Variants in YIPF5 observed in about 807,000 individuals in gnomAD.
YIPF5 encodes the protein Yip1 domain family member 5, also known as protein YIPF5.
In YIPF5, 8 loss-of-function variants were observed where a neutral mutation model predicts 30.4. The ratio of observed to expected loss-of-function variants is 0.26; its 90% CI spans 0.15 to 0.47. YIPF5 has a LOEUF of 0.47. YIPF5 is among the 20% of genes least tolerant of loss of function. The pLI is 0.99. For missense variants in YIPF5, 282 were observed against 301.8 expected, an observed-to-expected ratio of 0.93 and a Z score of 0.49; for synonymous variants, 104 against 107.9, an observed-to-expected ratio of 0.96 and a Z score of 0.23.
chr5:144,158,368 A>C lies in YIPF5; in HGVS notation c.*2029T>G, dbSNP rs1191839090. On this transcript the variant is annotated 3_prime_UTR_variant, in exon 6 of 6. Coordinates refer to ENST00000274496, the MANE Select transcript of YIPF5 (RefSeq NM_030799.9). ...CCTTATTATTTTGGAGCAAAATAAA[A>C]AATAACCACCACAAAAAAAATCTCT... 2 of 1,152,804 alleles carry C rather than the reference A, an allele frequency of 1.7e-6. No individual in the cohort carries two copies. Among genetic ancestry groups the C allele is most frequent in the African/African-American group, 1.6e-5 (1 of 61,216 alleles). The allele number at this position is 1,152,804 out of a possible 1,614,324, so 71.4% of individuals were successfully genotyped here. A position where few individuals can be genotyped will look rare whatever the true frequency, so the allele number is the denominator to read the frequency against.
At position 144,158,939 on chromosome 5, in the gene YIPF5, T is replaced by G. The variant is rs7448390; in HGVS notation, c.*1458A>C. ...TAAAAAAAAAAAAAAGGCAGTATTTTCCTCCCTGTACCATATCTTTCTCGT... is the reference window on the plus strand; with the variant it reads ...TAAAAAAAAAAAAAAGGCAGTATTTGCCTCCCTGTACCATATCTTTCTCGT... On this transcript the variant is annotated 3_prime_UTR_variant, in exon 6 of 6. Coordinates refer to ENST00000274496, the MANE Select transcript of YIPF5 (RefSeq NM_030799.9). 2 of 981,588 alleles carry G rather than the reference T, an allele frequency of 2.0e-6. No individual in the cohort carries two copies. Among genetic ancestry groups the G allele is most frequent in the Admixed American group, 1.2e-4 (2 of 16,176 alleles). The allele number at this position is 981,588 out of a possible 1,614,324, so 60.8% of individuals were successfully genotyped here. A position where few individuals can be genotyped will look rare whatever the true frequency, so the allele number is the denominator to read the frequency against.
chr5:144,167,088 CTG>C (rs1332949559), intron 2 of YIPF5, among the ~76,000 whole-genome samples: 3 of 152,196 alleles, frequency 2.0e-5, no homozygotes, highest in African/African-American at 7.2e-5. Context: ...CAAGGACCCT[CTG>C]TAGTCTACAG....
At position 144,160,241 on chromosome 5, in the gene YIPF5, A is replaced by G. The variant is rs1277415136; in HGVS notation, c.*156T>C. On this transcript the variant is annotated 3_prime_UTR_variant, in exon 6 of 6. Transcript: ENST00000274496. ...CAATATAGTATGCAAAAGTTCTATA[A>G]AAATGAACAAGAGATACACGTTTAC... The G allele has an allele frequency of 2.8e-6, 4 of 1,453,978 alleles. No individual in the cohort carries two copies. The highest frequency in any genetic ancestry group is 2.8e-5 in the African/African-American group (2 of 70,804). The allele number at this position is 1,453,978 out of a possible 1,614,324, so 90.1% of individuals were successfully genotyped here.
At chr5:144,165,704 T>G in intron 2 of YIPF5, 100 bp from the exon 3 acceptor site, 1 of 1,261,010 alleles carries the variant, frequency 7.9e-7, no homozygotes. Context: ...TAAAGAACCT[T>G]AGTTGTGAAA....
rs557600028 is a variant in YIPF5 at position 144,166,835 on chromosome 5, A to G, written c.111-1231T>C. ...AAAGATAATTCTTACTGCTTCCTCA[A>G]GAGAATCCTTAAATGAAACTGACTG... On this transcript the variant is annotated intron_variant, in intron 2 of 5. Transcript: ENST00000274496. 2.7e-4 allele frequency among the ~76,000 whole-genome samples: 41 copies of G among 152,258 alleles called. No homozygotes were observed. The South Asian group carries it at 8.1e-3, about 30-fold the overall frequency.
At position 144,159,920 on chromosome 5, in the gene YIPF5, G is replaced by A; in HGVS notation, c.*477C>T. On this transcript the variant is annotated 3_prime_UTR_variant, in exon 6 of 6. Coordinates refer to ENST00000274496, the MANE Select transcript of YIPF5 (RefSeq NM_030799.9). ...AGTCGGGGTTTCACCGTGTTAACCAGGATGGTCTCGATCTCCTGCCCTTGT... is the reference window on the plus strand; with the variant it reads ...AGTCGGGGTTTCACCGTGTTAACCAAGATGGTCTCGATCTCCTGCCCTTGT... 2.6e-6 allele frequency: 2 copies of A among 782,826 alleles called. No individual in the cohort carries two copies. Among genetic ancestry groups the A allele is most frequent in the Non-Finnish European group, 3.1e-6 (2 of 645,326 alleles). The allele number at this position is 782,826 out of a possible 1,614,324, so 48.5% of individuals were successfully genotyped here.
Position 144,158,445 on chromosome 5 carries a change from GA to G in YIPF5, c.*1951del. The G allele has an allele frequency of 7.9e-7, 1 of 1,273,226 alleles. No individual in the cohort carries two copies. Among genetic ancestry groups the G allele is most frequent in the Non-Finnish European group, 1.0e-6 (1 of 983,064 alleles). The allele number at this position is 1,273,226 out of a possible 1,614,324, so 78.9% of individuals were successfully genotyped here. On this transcript the variant is annotated 3_prime_UTR_variant, in exon 6 of 6. Transcript: ENST00000274496. ...TGAGGATAGGGTAAACAACAAAAAA[GA>G]AAATAATTTGATCCATATGTGATAT...
chr5:144,160,964 T>C (rs1475784349), intron 5 of YIPF5, among the ~76,000 whole-genome samples: 2 of 152,168 alleles, frequency 1.3e-5, no homozygotes, highest in East Asian at 3.8e-4. Context: ...CATTGTCAAA[T>C]GTCCCCTTGG....
intron 2 of YIPF5, among the ~76,000 whole-genome samples, chr5:144,166,364 T>C (rs1283728958): frequency 1.3e-5 from 2 of 152,240 alleles, no homozygotes; most frequent in Non-Finnish European, 2.9e-5. Context: ...AAGAGGATAC[T>C]GAAGCCACAT....
Position 144,160,579 on chromosome 5 carries a change from AGGGGG to A in YIPF5, c.612-25_612-21del. The A allele has an allele frequency of 6.3e-7, 1 of 1,587,006 alleles. No individual in the cohort carries two copies. Among genetic ancestry groups the A allele is most frequent in the African/African-American group, 1.4e-5 (1 of 73,734 alleles). On this transcript the variant is annotated intron_variant, in intron 5 of 5. Coordinates refer to ENST00000274496, the MANE Select transcript of YIPF5 (RefSeq NM_030799.9). ...ATTCCTCTGTAAACAACAAGGAAAA[AGGGGG>A]GAGAAGAAAAAAAAGCAGATGAGAT...
chr5:144,159,170 C>G lies in YIPF5; in HGVS notation c.*1227G>C. 2.0e-6 allele frequency: 2 copies of G among 985,042 alleles called. No individual in the cohort carries two copies. The highest frequency in any genetic ancestry group is 2.4e-6 in the Non-Finnish European group (2 of 829,660). The allele number at this position is 985,042 out of a possible 1,614,324, so 61.0% of individuals were successfully genotyped here. A position where few individuals can be genotyped will look rare whatever the true frequency, so the allele number is the denominator to read the frequency against. On this transcript the variant is annotated 3_prime_UTR_variant, in exon 6 of 6. Transcript: ENST00000274496. ...TGTCTGATTCTATATTAGCTGATTT[C>G]TATTCTTAAAGCTTAAATTAGGGGT... is the stretch of plus-strand genomic sequence containing the variant.
chr5:144,167,508 A>T (rs536353182), intron 2 of YIPF5, among the ~76,000 whole-genome samples: 1 of 152,220 alleles, frequency 6.6e-6, no homozygotes, highest in African/African-American at 2.4e-5. Context: ...GAAGAAAAAA[A>T]ATAACAGCTT....
chr5:144,160,737 A>C (rs1752015404), intron 5 of YIPF5, among the ~76,000 whole-genome samples, 178 bp from the exon 6 acceptor site: 1 of 152,232 alleles, frequency 6.6e-6, no homozygotes. Flanking sequence ...ACCTCACAGT[A>C]AATTCAATGA....
chr5:144,160,543 T>G lies in YIPF5; in HGVS notation c.628A>C (p.Ile210Leu). The G allele has an allele frequency of 6.2e-7, 1 of 1,613,352 alleles. No individual in the cohort carries two copies. Among genetic ancestry groups the G allele is most frequent in the South Asian group, 1.1e-5 (1 of 90,986 alleles). The change falls in exon 6 of 6, where the codon ATT (isoleucine) becomes CTT (leucine). Residue 210 changes from isoleucine to leucine, a missense_variant. Transcript: ENST00000274496. Reference sequence around the variant, plus strand: ...CATCCAATAATCCCAGCAGTGAGAATGATTCCTACCATTCCTCTGTAAACA... The same window carrying G: ...CATCCAATAATCCCAGCAGTGAGAAGGATTCCTACCATTCCTCTGTAAACA... ...IFSLQGMVGI[I>L]LTAGIIGWCS...
In YIPF5 at chr5:144,165,596, G is replaced by A. The variant is rs1231714411; in HGVS notation, c.119C>T (p.Ala40Val). Reference sequence around the variant, plus strand: ...GCCTTGCTGCGAATAGTCATAGCCAGCATACTGTCTATAAATGAAAGAAAG... The same window carrying A: ...GCCTTGCTGCGAATAGTCATAGCCAACATACTGTCTATAAATGAAAGAAAG... Reference protein sequence around the residue: ...GSGGPYSKQYAGYDYSQQGRF... With the variant: ...GSGGPYSKQYVGYDYSQQGRF... Residue 40 changes from alanine to valine, a missense_variant, in exon 3 of 6, where the codon GCT becomes GTT. Transcript: ENST00000274496. 1 of 1,613,446 alleles carries A rather than the reference G, an allele frequency of 6.2e-7. No homozygotes were observed. Among genetic ancestry groups the A allele is most frequent in the East Asian group, 2.2e-5 (1 of 44,890 alleles).
intron 4 of YIPF5, among the ~76,000 whole-genome samples, chr5:144,163,251 T>C (rs1373141935): frequency 6.6e-6 from 1 of 152,102 alleles, no homozygotes; most frequent in Non-Finnish European, 1.5e-5. Context: ...AGAAAAAAAA[T>C]TATTGGGACT....
At chr5:144,165,686 G>T in intron 2 of YIPF5, 82 bp from the exon 3 acceptor site, 1 of 1,393,034 alleles carries the variant, frequency 7.2e-7, no homozygotes, top group Non-Finnish European at 9.7e-7. Flanking sequence ...AAATTTTCAT[G>T]TGACAGCTAA....
intron 3 of YIPF5, among the ~76,000 whole-genome samples, chr5:144,165,013 T>C (rs1358943546): frequency 1.3e-5 from 2 of 152,136 alleles, no homozygotes; most frequent in African/African-American, 4.8e-5. Flanking sequence ...AAGAGTTATC[T>C]AGTTAAAAAA....
chr5:144,166,591 G>A (rs34814121), intron 2 of YIPF5, among the ~76,000 whole-genome samples: 48,154 of 151,924 alleles, frequency 0.32, 8,856 homozygotes, highest in Non-Finnish European at 0.41. Flanking sequence ...CTCTCTATTC[G>A]TTTTTGAGAA....
Sources: allele counts gnomAD v4.1 joint callset (sites outside exome capture counted in the v4.1 genomes callset), GRCh38; gene constraint gnomAD v4.1.1; transcripts MANE v1.5; gene names NCBI Gene and HGNC (gene_info 2026-07-23, HGNC 2026-07-21).